Variants in TRPA1 observed in about 807,000 individuals in gnomAD.
TRPA1 encodes the protein transient receptor potential cation channel subfamily A member 1, also known as ankyrin-like with transmembrane domains 1.
In TRPA1, 129 loss-of-function variants were observed where a neutral mutation model predicts 131.3. The ratio of observed to expected loss-of-function variants is 0.98; its 90% CI spans 0.85 to 1.14. TRPA1 has a LOEUF of 1.14. TRPA1 is among the 50% of genes most tolerant of loss of function. The pLI, the probability that TRPA1 is intolerant of heterozygous loss-of-function variation, is 0.00. For synonymous variants in TRPA1, 441 were observed against 451.7 expected (o/e 0.98, Z 0.30); for missense variants, 1,304 against 1,354.2 (o/e 0.96, Z 0.58).
chr8:72,035,905 TAACTG>T (rs1293202999), intron 21 of TRPA1, among the ~76,000 whole-genome samples: 1 of 148,032 alleles, frequency 6.8e-6, no homozygotes, highest in African/African-American at 2.5e-5. Flanking sequence ...TTGGTTGTCA[TAACTG>T]GACTGGGGTG....
intron 8 of TRPA1, among the ~76,000 whole-genome samples, chr8:72,058,744 A>G (rs1198541668): frequency 6.6e-6 from 1 of 152,202 alleles, no homozygotes; most frequent in Non-Finnish European, 1.5e-5. Context: ...CATAATTTCA[A>G]TAGTTATGAT....
intron 2 of TRPA1, among the ~76,000 whole-genome samples, chr8:72,071,394 TA>T (rs1437876790): frequency 1.3e-5 from 2 of 152,178 alleles, no homozygotes; most frequent in East Asian, 3.8e-4. Context: ...GATGATAATT[TA>T]AATGTAAAAT....
At chr8:72,088,102 G>A in the TRPA1 span, among the ~76,000 whole-genome samples, 8 of 152,154 alleles carry the variant, frequency 5.3e-5, no homozygotes, top group Non-Finnish European at 8.8e-5. Context: ...TCTCACCTTC[G>A]TTTCTCAATT....
rs753974034 is a variant in TRPA1 at position 72,069,200 on chromosome 8, T to G, written c.269-2A>C. 4 of 1,614,166 alleles carry G rather than the reference T, an allele frequency of 2.5e-6. No individual in the cohort carries two copies. The highest frequency in any genetic ancestry group is 3.4e-6 in the Non-Finnish European group (4 of 1,180,008). On this transcript the variant is annotated splice_acceptor_variant, in intron 2 of 26. Transcript: ENST00000262209. LOFTEE classifies it high-confidence loss of function. ...CATAATCATCCATTTCATGCAGCAC[T>G]AGAAAAAGAAACCAGAATATGGATT...
chr8:72,077,280 G>A (rs937070419), upstream of TRPA1, among the ~76,000 whole-genome samples: 1 of 75,662 alleles, frequency 1.3e-5, no homozygotes, highest in East Asian at 5.7e-4. Flanking sequence ...GAGACAGGGG[G>A]TGACAGGGGT....
chr8:72,062,612 G>C (rs1805833705), intron 6 of TRPA1, among the ~76,000 whole-genome samples, 187 bp downstream of exon 6: 2 of 152,086 alleles, frequency 1.3e-5, no homozygotes, highest in South Asian at 4.1e-4. Flanking sequence ...GTTTTGGGGA[G>C]CTCTGAAAAT....
At chr8:72,037,129 AC>A (rs1812078128) in intron 20 of TRPA1, among the ~76,000 whole-genome samples, 1 of 152,178 alleles carries the variant, frequency 6.6e-6, no homozygotes, top group Non-Finnish European at 1.5e-5. Flanking sequence ...ATGCAACATT[AC>A]AGTCTATCAG....
At chr8:72,084,336 G>A in the TRPA1 span, among the ~76,000 whole-genome samples, 1 of 142,950 alleles carries the variant, frequency 7.0e-6, no homozygotes, top group South Asian at 2.1e-4. Context: ...GGGATTCATA[G>A]TATCCTCATA....
chr8:72,063,408 C>T, intron 5 of TRPA1, 55 bp downstream of exon 5: 1 of 1,270,058 alleles, frequency 7.9e-7, no homozygotes, highest in Non-Finnish European at 1.1e-6. Context: ...AAATTAATAG[C>T]ATCCACCAAA....
rs1805632713 is a variant in TRPA1 at position 72,055,234 on chromosome 8, A to G, written c.1529+202T>C. 39 of 576,110 alleles carry G rather than the reference A, an allele frequency of 6.8e-5. No individual in the cohort carries two copies. The East Asian group carries it at 1.1e-3, about 16-fold the overall frequency. The allele number at this position is 576,110 out of a possible 1,614,324, so 35.7% of individuals were successfully genotyped here. A position where few individuals can be genotyped will look rare whatever the true frequency, so the allele number is the denominator to read the frequency against. ...AAGGTTCTTCAACGCTATAAACTTC[A>G]AAGTCTTTGTCAGTTGGAAATAATA... On this transcript the variant is annotated intron_variant, in intron 12 of 26. Transcript: ENST00000262209.
rs528114222 is a variant in TRPA1 at position 72,041,562 on chromosome 8, T to C, written c.2062-1765A>G. Reference sequence around the variant, plus strand: ...CTAGAAATCAAAAGTAGAAGGAAAATATGAAAATCGAAAAACCTGTGGAAG... The same window carrying C: ...CTAGAAATCAAAAGTAGAAGGAAAACATGAAAATCGAAAAACCTGTGGAAG... On this transcript the variant is annotated intron_variant, in intron 17 of 26. Transcript: ENST00000262209. Among the ~76,000 whole-genome samples the C allele has an allele frequency of 1.6e-4, 24 of 151,906 alleles. No individual in the cohort carries two copies. In the East Asian group the frequency reaches 2.7e-3, roughly 17 times the overall value.
chr8:72,083,409 T>A, the TRPA1 span, among the ~76,000 whole-genome samples: 1 of 152,102 alleles, frequency 6.6e-6, no homozygotes, highest in Non-Finnish European at 1.5e-5. Context: ...TAGATGAATA[T>A]CACAGCAACT....
In TRPA1 at chr8:72,038,831, T is replaced by A. The variant is rs770498320; in HGVS notation, c.2295+34A>T. On this transcript the variant is annotated intron_variant, in intron 19 of 26. Transcript: ENST00000262209. ...TTAAGAAAAAATACATTTTTTATAA[T>A]CCTTTATTTTAGAAAGTTAAAATTT... 5.7e-6 allele frequency: 9 copies of A among 1,572,404 alleles called. No individual in the cohort carries two copies. In the African/African-American group the frequency reaches 1.2e-4, roughly 21 times the overall value.
intron 14 of TRPA1, 172 bp downstream of exon 14, chr8:72,052,427 A>G: frequency 1.4e-6 from 1 of 695,918 alleles, no homozygotes; most frequent in Non-Finnish European, 2.2e-6. Context: ...TTCTAAAAAT[A>G]AATAAATAAA....
chr8:72,039,977 C>T (rs1160897379), intron 17 of TRPA1, among the ~76,000 whole-genome samples, 180 bp from the exon 18 acceptor site: 1 of 151,930 alleles, frequency 6.6e-6, no homozygotes, highest in African/African-American at 2.4e-5. Flanking sequence ...TTAGAGATAA[C>T]CATTTTGTAC....
chr8:72,042,150 T>C (rs1314099677), intron 17 of TRPA1, among the ~76,000 whole-genome samples: 2 of 151,848 alleles, frequency 1.3e-5, no homozygotes, highest in African/African-American at 2.4e-5. Flanking sequence ...TCATATATCT[T>C]ATAAGGAGTT....
At chr8:72,072,911 CA>C (rs1367893877) in intron 1 of TRPA1, among the ~76,000 whole-genome samples, 6 of 152,182 alleles carry the variant, frequency 3.9e-5, no homozygotes, top group African/African-American at 1.4e-4. Context: ...AAATACTTTA[CA>C]TGAGCATATC....
chr8:72,063,626 G>C, intron 4 of TRPA1, 55 bp from the exon 5 acceptor site: 1 of 1,209,616 alleles, frequency 8.3e-7, no homozygotes, highest in South Asian at 1.2e-5. Flanking sequence ...AATCGCAAGG[G>C]TGGATGAGAA....
At position 72,035,572 on chromosome 8, in the gene TRPA1, G is replaced by T. The variant is rs75161589; in HGVS notation, c.2555+716C>A. On this transcript the variant is annotated intron_variant, in intron 21 of 26. Coordinates refer to ENST00000262209, the MANE Select transcript of TRPA1 (RefSeq NM_007332.3). ...AGATAATAACATTGGCCTTGTTATT[G>T]GAAAGATTATGTGAAATAACATGAA... Among the ~76,000 whole-genome samples, 1,174 of 152,180 alleles carry T rather than the reference G, an allele frequency of 7.7e-3. 15 individuals are homozygous for T. Among genetic ancestry groups the T allele is most frequent in the East Asian group, 0.062 (323 of 5,168 alleles).
Sources: allele counts gnomAD v4.1 joint callset (sites outside exome capture counted in the v4.1 genomes callset), GRCh38; gene constraint gnomAD v4.1.1; transcripts MANE v1.5; gene names NCBI Gene and HGNC (gene_info 2026-07-23, HGNC 2026-07-21).